The following ACSM2B variants were observed in gnomAD, a reference collection of about 807,000 sequenced individuals.
ACSM2B encodes acyl-CoA synthetase medium chain family member 2B, also known as acyl-coenzyme A synthetase ACSM2B, mitochondrial.
Under a neutral mutation model 78.6 loss-of-function variants are expected in ACSM2B, and 58 were observed. The ratio of observed to expected loss-of-function variants is 0.74; its 90% CI spans 0.60 to 0.92. The LOEUF (loss-of-function observed/expected upper bound fraction) is 0.92, where lower values mean the gene tolerates loss of function less well. Ranked by LOEUF, ACSM2B falls within the 40% of genes least tolerant of loss-of-function variation. The probability of loss-of-function intolerance (pLI) is 0.00; values close to 1 mark genes in which losing one functional copy is unlikely to be tolerated. For synonymous variants in ACSM2B, 257 were observed against 256.8 expected (o/e 1.00, Z -0.01); for missense variants, 688 against 711.2 (o/e 0.97, Z 0.37).
At chr16:20,548,781 G>C (rs115744332) in intron 6 of ACSM2B, among the ~76,000 whole-genome samples, 3,648 of 152,150 alleles carry the variant, frequency 0.024, 159 homozygotes, top group African/African-American at 0.085. Flanking sequence ...ACACCCCTAG[G>C]AGTATATCAC....
intron 1 of ACSM2B, among the ~76,000 whole-genome samples, chr16:20,570,771 G>A (rs1394396054): frequency 6.6e-6 from 1 of 151,756 alleles, no homozygotes; most frequent in South Asian, 2.1e-4. Flanking sequence ...GTCTGTTCAG[G>A]CTTTCTAATT....
intron 4 of ACSM2B, chr16:20,554,251 T>C (rs1396772530): frequency 2.1e-6 from 1 of 474,024 alleles, no homozygotes; most frequent in African/African-American, 2.0e-5. Context: ...ATGAGCAACT[T>C]GCTTAGCAAG....
intron 6 of ACSM2B, among the ~76,000 whole-genome samples, chr16:20,549,148 T>C (rs2015230104): frequency 6.6e-6 from 1 of 152,140 alleles, no homozygotes. Context: ...CAGCAAGTAG[T>C]GGGATCATTA....
In ACSM2B at chr16:20,543,277, A is replaced by C; in HGVS notation, c.1282-15T>G. 2 of 1,612,104 alleles carry C rather than the reference A, an allele frequency of 1.2e-6. No individual in the cohort carries two copies. The highest frequency in any genetic ancestry group is 1.7e-6 in the Non-Finnish European group (2 of 1,179,848). ...TCGGGATTTTCCTGGTGACCACAGA[A>C]AGACAGAGTCATTGTGCCTGCAAAG... On this transcript the variant is annotated splice_polypyrimidine_tract_variant and intron_variant, in intron 10 of 13. Transcript: ENST00000329697.
rs1417386513 is a variant in ACSM2B, at chr16:20,563,684, C to T, written c.177+985G>A. Among the ~76,000 whole-genome samples, 8 of 151,578 alleles carry T rather than the reference C, an allele frequency of 5.3e-5. No homozygotes were observed. The South Asian group carries it at 6.2e-4, about 12-fold the overall frequency. On this transcript the variant is annotated intron_variant, in intron 2 of 13. Coordinates refer to ENST00000329697, the MANE Select transcript of ACSM2B (RefSeq NM_001105069.2). ...TTTTAAGAGTACCCACACCTAGGGC[C>T]GTCTTCAGCCTAGAGGCAAGGCATT...
chr16:20,544,438 G>A (rs1367577008), intron 10 of ACSM2B: 2 of 539,838 alleles, frequency 3.7e-6, no homozygotes, highest in Non-Finnish European at 4.7e-6. Context: ...CGAGTTGAAA[G>A]TTTAAATGAG....
chr16:20,560,729 T>C (rs1368682126), intron 2 of ACSM2B, among the ~76,000 whole-genome samples: 1 of 151,922 alleles, frequency 6.6e-6, no homozygotes, highest in Non-Finnish European at 1.5e-5. Context: ...TGGGAAGAAA[T>C]TGAAGAGTTT....
At chr16:20,567,085 G>A (rs1013242344) in intron 1 of ACSM2B, among the ~76,000 whole-genome samples, 5 of 133,024 alleles carry the variant, frequency 3.8e-5, no homozygotes, top group Non-Finnish European at 6.3e-5. Flanking sequence ...CTTAGATCTA[G>A]ATATATATAA....
intron 1 of ACSM2B, among the ~76,000 whole-genome samples, chr16:20,572,774 A>AT (rs1381425980): frequency 1.3e-5 from 2 of 150,508 alleles, no homozygotes; most frequent in Non-Finnish European, 2.9e-5. Flanking sequence ...TCATTGAAAA[A>AT]TTTTTTTTTC....
intron 2 of ACSM2B, 134 bp downstream of exon 2, chr16:20,564,535 A>T: frequency 2.0e-6 from 3 of 1,473,950 alleles, no homozygotes; most frequent in African/African-American, 2.8e-5. Context: ...TTCATGGAAG[A>T]TGAGTGTCTT....
rs778982594 is a variant in ACSM2B at position 20,548,449 on chromosome 16, T to A, written c.919A>T (p.Ser307Cys). ...TAAACAATAGGGGCACCCATCATAC[T>A]CTTGATTGGATAACTGGAGAGTGTC... Reference protein sequence around the residue: ...LKTLSSYPIKSMMGAPIVYRM... With the variant: ...LKTLSSYPIKCMMGAPIVYRM... Residue 307 changes from serine (S) to cysteine (C), a missense_variant, in exon 7 of 14, where the codon AGT (serine) becomes TGT (cysteine). Physicochemically the swap from Ser to Cys is moderately radical, Grantham distance 112. Transcript: ENST00000329697. 5 of 1,613,514 alleles carry A rather than the reference T, an allele frequency of 3.1e-6. No individual in the cohort carries two copies. The highest frequency in any genetic ancestry group is 1.3e-5 in the African/African-American group (1 of 74,814).
intron 13 of ACSM2B, among the ~76,000 whole-genome samples, chr16:20,539,884 G>T (rs1235086853): frequency 2.6e-5 from 4 of 152,172 alleles, no homozygotes; most frequent in Non-Finnish European, 5.9e-5. Flanking sequence ...GAGAGTCAAA[G>T]GGTGAAAGAG....
At position 20,546,544 on chromosome 16, in the gene ACSM2B, T is replaced by A. The variant is rs533289903; in HGVS notation, c.1099-70A>T. 9 of 1,566,304 alleles carry A rather than the reference T, an allele frequency of 5.7e-6. No individual in the cohort carries two copies. In the African/African-American group the frequency reaches 6.8e-5, roughly 12 times the overall value. ...CAAGGTCACAGAAAAAGAAAAAATTTCTGCAGAGCGGGTCCTGACACTGTC... is the reference window on the plus strand; with the variant it reads ...CAAGGTCACAGAAAAAGAAAAAATTACTGCAGAGCGGGTCCTGACACTGTC... On this transcript the variant is annotated intron_variant, in intron 8 of 13. Coordinates refer to ENST00000329697, the MANE Select transcript of ACSM2B (RefSeq NM_001105069.2).
chr16:20,565,544 A>G (rs1434495169), intron 1 of ACSM2B, among the ~76,000 whole-genome samples: 6 of 152,138 alleles, frequency 3.9e-5, no homozygotes, highest in African/African-American at 1.4e-4. Flanking sequence ...ACTGTAGCAA[A>G]TGTTAACTAA....
intron 9 of ACSM2B, among the ~76,000 whole-genome samples, chr16:20,546,159 T>G (rs1044012089): frequency 1.3e-5 from 2 of 152,182 alleles, no homozygotes; most frequent in Non-Finnish European, 2.9e-5. Flanking sequence ...CTAGCTAATT[T>G]GCTAGATATT....
intron 2 of ACSM2B, among the ~76,000 whole-genome samples, chr16:20,559,895 C>T (rs1220472091): frequency 6.6e-6 from 1 of 150,916 alleles, no homozygotes; most frequent in East Asian, 1.9e-4. Context: ...CAACATGTAT[C>T]TTCTGGAAAA....
chr16:20,558,397 G>T (rs1363503343), intron 3 of ACSM2B, among the ~76,000 whole-genome samples: 2 of 148,272 alleles, frequency 1.3e-5, no homozygotes, highest in African/African-American at 2.4e-5. Context: ...TGATTTCCTG[G>T]GGAGGTGGAT....
Position 20,564,723 on chromosome 16 carries a change from C to T in ACSM2B, c.123G>A (p.Pro41=), listed in dbSNP as rs146963540. ...VSLQWGHQEV[P]AKFNFASDVL... ...CATCACTAGCAAAGTTAAACTTGGC[C>T]GGCACTTCCTGGTGGCCCCACTGCA... is the stretch of plus-strand genomic sequence containing the variant. The change falls in exon 2 of 14, where the codon CCG becomes CCA. Residue 41 remains proline, a synonymous_variant. Transcript: ENST00000329697. 39 of 1,613,322 alleles carry T rather than the reference C, an allele frequency of 2.4e-5. No individual in the cohort carries two copies. Among genetic ancestry groups the T allele is most frequent in the East Asian group, 6.7e-5 (3 of 44,870 alleles).
At position 20,562,748 on chromosome 16, in the gene ACSM2B, ACTGCTTAGGAGTCATGTAAC is replaced by A. The variant is rs2015701754; in HGVS notation, c.177+1901_177+1920del. 2.6e-5 allele frequency among the ~76,000 whole-genome samples: 4 copies of A among 152,180 alleles called. No individual in the cohort carries two copies. In the South Asian group the frequency reaches 8.3e-4, roughly 31 times the overall value. On this transcript the variant is annotated intron_variant, in intron 2 of 13. Transcript: ENST00000329697. ...CCAGCCATTGTTCCCTAGCTTGCTT[ACTGCTTAGGAGTCATGTAAC>A]CAGAAGTCACACTTTGTAACTTCAC...
Sources: allele counts gnomAD v4.1 joint callset (sites outside exome capture counted in the v4.1 genomes callset), GRCh38; gene constraint gnomAD v4.1.1; transcripts MANE v1.5; gene names NCBI Gene and HGNC (gene_info 2026-07-23, HGNC 2026-07-21).